LHFPL3: variants seen among roughly 807,000 people sequenced by gnomAD.
LHFPL3 encodes the protein LHFPL tetraspan subfamily member 3 protein.
Under a neutral mutation model 19.3 loss-of-function variants are expected in LHFPL3, and 5 were observed. That is an observed-to-expected ratio of 0.26 (90% CI 0.14 to 0.54). The LOEUF (loss-of-function observed/expected upper bound fraction) is 0.54, where lower values mean the gene tolerates loss of function less well. Among genes scored for constraint, LHFPL3 ranks in the 20% least tolerant of loss-of-function variants. The pLI, the probability that LHFPL3 is intolerant of heterozygous loss-of-function variation, is 0.94. For synonymous variants in LHFPL3, 133 were observed against 126.2 expected (o/e 1.05, Z -0.36); for missense variants, 249 against 307.4 (o/e 0.81, Z 1.42).
At chr7:104,381,225 A>G (rs1016564611) in intron 1 of LHFPL3, among the ~76,000 whole-genome samples, 1 of 152,152 alleles carries the variant, frequency 6.6e-6, no homozygotes. Context: ...TCTGTGTACT[A>G]ACCAAGTTGT....
chr7:104,832,624 CTTT>C (rs10636405), intron 2 of LHFPL3, among the ~76,000 whole-genome samples: 2 of 132,030 alleles, frequency 1.5e-5, no homozygotes, highest in African/African-American at 2.9e-5. Context: ...TTTTTTCCTT[CTTT>C]TTTTTTTTTT....
At chr7:104,761,870 T>G (rs967774141) in intron 2 of LHFPL3, among the ~76,000 whole-genome samples, 2 of 152,222 alleles carry the variant, frequency 1.3e-5, no homozygotes, top group African/African-American at 4.8e-5. Flanking sequence ...CAAGCCATAT[T>G]GGGAGGCAGC....
rs538518805 is a variant in LHFPL3, at chr7:104,508,775, A to G, written c.445+179551A>G. ...GGAAAGAAATAATAAAGGTAAGAGC[A>G]TAACTCAATGAAATTTAAAACAGAA... On this transcript the variant is annotated intron_variant, in intron 1 of 2. Transcript: ENST00000424859. Among the ~76,000 whole-genome samples the G allele has an allele frequency of 2.6e-5, 4 of 151,748 alleles. No homozygotes were observed. The South Asian group carries it at 6.2e-4, about 24-fold the overall frequency.
At chr7:104,537,398 T>G (rs1373914128) in intron 1 of LHFPL3, among the ~76,000 whole-genome samples, 1 of 152,250 alleles carries the variant, frequency 6.6e-6, no homozygotes, top group Non-Finnish European at 1.5e-5. Context: ...AAAGTTATTC[T>G]CTTGCTAAAC....
chr7:104,547,665 T>A (rs1295331658), intron 1 of LHFPL3, among the ~76,000 whole-genome samples: 1 of 152,228 alleles, frequency 6.6e-6, no homozygotes, highest in Non-Finnish European at 1.5e-5. Flanking sequence ...TTCTGTACCC[T>A]ATTCTCAGGT....
chr7:104,395,269 C>T (rs1023479150), intron 1 of LHFPL3, among the ~76,000 whole-genome samples: 3 of 152,138 alleles, frequency 2.0e-5, no homozygotes, highest in Admixed American at 2.0e-4. Context: ...TTCCTGAATA[C>T]TGTGTCCACA....
rs541811782 is a variant in LHFPL3, at chr7:104,329,336, T to A, written c.445+112T>A. Reference sequence around the variant, plus strand: ...GCGCGCCGCTGCGAGCCAAGCCGCCTAATCCGCTCAGGCGTCGAGGTGTGG... The same window carrying A: ...GCGCGCCGCTGCGAGCCAAGCCGCCAAATCCGCTCAGGCGTCGAGGTGTGG... On this transcript the variant is annotated intron_variant, in intron 1 of 2. Transcript: ENST00000424859. 46 of 1,381,996 alleles carry A rather than the reference T, an allele frequency of 3.3e-5. No individual in the cohort carries two copies. In the South Asian group the frequency reaches 6.3e-4, roughly 19 times the overall value. The allele number at this position is 1,381,996 out of a possible 1,614,324, so 85.6% of individuals were successfully genotyped here. A position where few individuals can be genotyped will look rare whatever the true frequency, so the allele number is the denominator to read the frequency against.
intron 1 of LHFPL3, among the ~76,000 whole-genome samples, chr7:104,474,708 AGAAAG>A (rs1792977973): frequency 6.7e-6 from 1 of 150,168 alleles, no homozygotes; most frequent in South Asian, 2.1e-4. Context: ...AAAAAAAAAA[AGAAAG>A]GGTCTTGACC....
chr7:104,566,500 G>C (rs1317719271), intron 1 of LHFPL3, among the ~76,000 whole-genome samples: 3 of 152,136 alleles, frequency 2.0e-5, no homozygotes, highest in Non-Finnish European at 2.9e-5. Context: ...AGGGCATCCA[G>C]GGCTTTTTTA....
intron 1 of LHFPL3, among the ~76,000 whole-genome samples, chr7:104,486,960 T>C (rs888838449): frequency 5.3e-5 from 8 of 152,228 alleles, no homozygotes; most frequent in African/African-American, 1.7e-4. Context: ...GCTTTAGCTC[T>C]ATTATTTTCT....
intron 1 of LHFPL3, among the ~76,000 whole-genome samples, chr7:104,640,318 G>T (rs1321895219): frequency 3.9e-5 from 6 of 151,986 alleles, no homozygotes; most frequent in African/African-American, 1.5e-4. Context: ...TCCCCTCCCT[G>T]TGTCCACGTG....
intron 1 of LHFPL3, among the ~76,000 whole-genome samples, chr7:104,377,851 T>A (rs752178302): frequency 5.4e-4 from 83 of 152,352 alleles, no homozygotes; most frequent in Non-Finnish European, 1.9e-4. Context: ...ATAACTAAGC[T>A]TTTATTTGTC....
At chr7:104,752,678 A>G in intron 2 of LHFPL3, 1 of 381,736 alleles carries the variant, frequency 2.6e-6, no homozygotes. Context: ...AGTTTGCCCC[A>G]TTATCACCCT....
chr7:104,758,492 G>A (rs956721515), intron 2 of LHFPL3, among the ~76,000 whole-genome samples: 66 of 152,166 alleles, frequency 4.3e-4, no homozygotes, highest in Non-Finnish European at 2.9e-5. Flanking sequence ...GAATAGGACC[G>A]TGTCTCTTTC....
intron 1 of LHFPL3, among the ~76,000 whole-genome samples, chr7:104,717,341 A>C (rs1386441920): frequency 6.6e-6 from 1 of 152,220 alleles, no homozygotes; most frequent in Non-Finnish European, 1.5e-5. Context: ...TGCAGAACAA[A>C]GGAAATAATA....
At chr7:104,581,229 G>C (rs1201278766) in intron 1 of LHFPL3, among the ~76,000 whole-genome samples, 1 of 152,030 alleles carries the variant, frequency 6.6e-6, no homozygotes, top group Non-Finnish European at 1.5e-5. Context: ...TTCTGAGAAC[G>C]TGTAGTGATA....
At chr7:104,422,992 G>A (rs755246123) in intron 1 of LHFPL3, among the ~76,000 whole-genome samples, 2 of 152,144 alleles carry the variant, frequency 1.3e-5, no homozygotes, top group Admixed American at 1.3e-4. Context: ...ACAATGTTCC[G>A]GGTACTGGGG....
intron 1 of LHFPL3, among the ~76,000 whole-genome samples, chr7:104,586,425 A>G (rs1790580096): frequency 6.6e-6 from 1 of 152,002 alleles, no homozygotes; most frequent in African/African-American, 2.4e-5. Flanking sequence ...TTTCCTCCAT[A>G]TTTTTGAAAG....
chr7:104,458,034 G>C (rs1330726015), intron 1 of LHFPL3, among the ~76,000 whole-genome samples: 1 of 150,558 alleles, frequency 6.6e-6, no homozygotes, highest in East Asian at 2.0e-4. Context: ...CAGATGAGTA[G>C]GTTGTGAAAA....
Sources: allele counts gnomAD v4.1 joint callset (sites outside exome capture counted in the v4.1 genomes callset), GRCh38; gene constraint gnomAD v4.1.1; transcripts MANE v1.5; gene names NCBI Gene and HGNC (gene_info 2026-07-23, HGNC 2026-07-21).